Variants in PGM1 observed in about 807,000 individuals in gnomAD.
PGM1 encodes the protein phosphoglucomutase-1.
PGM1 carries 52 observed loss-of-function variants against 55.6 expected under a neutral mutation model. The ratio of observed to expected loss-of-function variants is 0.94; its 90% CI spans 0.75 to 1.18. The LOEUF (loss-of-function observed/expected upper bound fraction) is 1.18. Among genes scored for constraint, PGM1 ranks in the 50% most tolerant of loss-of-function variants. PGM1 has a pLI of 0.00. For missense variants in PGM1, 724 were observed against 729.3 expected (o/e 0.99, Z 0.08); for synonymous variants, 287 against 271.7 (o/e 1.06, Z -0.55).
chr1:63,639,799 C>T (rs1385372070), intron 7 of PGM1, among the ~76,000 whole-genome samples: 1 of 152,120 alleles, frequency 6.6e-6, no homozygotes, highest in South Asian at 2.1e-4. Context: ...CATTTCCTTT[C>T]CTATAAGTCT....
intron 7 of PGM1, among the ~76,000 whole-genome samples, chr1:63,641,281 T>TTCTC (rs899182614): frequency 6.6e-6 from 1 of 151,648 alleles, no homozygotes; most frequent in Non-Finnish European, 1.5e-5. Context: ...CACAAGCTCT[T>TTCTC]TCTCTCTCTC....
intron 10 of PGM1, among the ~76,000 whole-genome samples, chr1:63,659,118 G>A (rs368887677): frequency 2.6e-5 from 4 of 152,258 alleles, no homozygotes; most frequent in South Asian, 4.1e-4. Context: ...GATTTGAGTG[G>A]GGACACAGAG....
intron 10 of PGM1, among the ~76,000 whole-genome samples, chr1:63,658,344 A>G (rs535068624): frequency 3.7e-4 from 43 of 114,818 alleles, no homozygotes; most frequent in Admixed American, 1.1e-3. Flanking sequence ...CCAGATTAGT[A>G]GTTTTTTTTT....
At chr1:63,597,558 G>T (rs1160780582) in intron 1 of PGM1, among the ~76,000 whole-genome samples, 3 of 152,172 alleles carry the variant, frequency 2.0e-5, no homozygotes, top group Admixed American at 1.3e-4. Flanking sequence ...AACCAATATA[G>T]AGGGGTTCCG....
rs904424584 is a variant in PGM1, at chr1:63,651,914, A to C, written c.1464+62A>C. 4.7e-6 allele frequency: 7 copies of C among 1,475,234 alleles called. No homozygotes were observed. The African/African-American group carries it at 9.7e-5, about 21-fold the overall frequency. The allele number at this position is 1,475,234 out of a possible 1,614,324, so 91.4% of individuals were successfully genotyped here. The stretch of plus-strand genomic sequence containing the variant: ...TCAGAGCTTCATCTCTGACATCTCA[A>C]GGGAAAAATTAAAAAGTTCCTGTTG... On this transcript the variant is annotated intron_variant, in intron 9 of 10. Transcript: ENST00000371084.
chr1:63,655,840 A>G (rs1027645770), intron 10 of PGM1: 5 of 152,498 alleles, frequency 3.3e-5, no homozygotes, highest in African/African-American at 1.2e-4. Context: ...TCTGGGCTAT[A>G]GTGTGCTATG....
In PGM1 at chr1:63,633,908, GTGTGTGTGTGTATATATA is replaced by G. The variant is rs1400621920; in HGVS notation, c.683-919_683-902del. On this transcript the variant is annotated intron_variant, in intron 4 of 10. Coordinates refer to ENST00000371084, the MANE Select transcript of PGM1 (RefSeq NM_002633.3). ...TGTGTGTGTGTGTGTGTGTGTGTGT[GTGTGTGTGTGTATATATA>G]TATATATTTTTTTTTTTTTTTTTTT... is the stretch of plus-strand genomic sequence containing the variant. Among the ~76,000 whole-genome samples the G allele has an allele frequency of 3.0e-4, 10 of 33,264 alleles. 1 individual carries two copies. Among genetic ancestry groups the G allele is most frequent in the African/African-American group, 1.8e-3 (8 of 4,540 alleles). The allele number at this position is 33,264 out of a possible 152,430, so 21.8% of individuals were successfully genotyped here.
At chr1:63,618,764 G>A (rs182451130) in intron 1 of PGM1, among the ~76,000 whole-genome samples, 70 of 152,294 alleles carry the variant, frequency 4.6e-4, no homozygotes, top group African/African-American at 1.6e-3. Context: ...ACCGAGTCCA[G>A]AATACCAGCG....
rs1648866672 is a variant in PGM1 at position 63,621,067 on chromosome 1, T to G, written c.247-8358T>G. Among the ~76,000 whole-genome samples the G allele has an allele frequency of 2.0e-5, 3 of 152,218 alleles. No homozygotes were observed. In the South Asian group the frequency reaches 6.2e-4, roughly 32 times the overall value. On this transcript the variant is annotated intron_variant, in intron 1 of 10. Coordinates refer to ENST00000371084, the MANE Select transcript of PGM1 (RefSeq NM_002633.3). Reference sequence around the variant, plus strand: ...CATCTAACATTGCTGCTTCTGGTAATATTTTTATATGGGGTTGAGTTCTAT... The same window carrying G: ...CATCTAACATTGCTGCTTCTGGTAAGATTTTTATATGGGGTTGAGTTCTAT...
At chr1:63,655,113 C>T (rs1649926098) in intron 10 of PGM1, among the ~76,000 whole-genome samples, 1 of 151,770 alleles carries the variant, frequency 6.6e-6, no homozygotes, top group Non-Finnish European at 1.5e-5. Context: ...GGATTACAGG[C>T]ACGTGCCACC....
In PGM1 at chr1:63,629,418, C is replaced by G; in HGVS notation, c.247-7C>G. 1 of 1,612,360 alleles carries G rather than the reference C, an allele frequency of 6.2e-7. No homozygotes were observed. Among genetic ancestry groups the G allele is most frequent in the Non-Finnish European group, 8.5e-7 (1 of 1,178,508 alleles). ...TTAAAGAGTGTGTTCTGGATTTCTT[C>G]TCCTAGATCGGTCGCTTGGTTATCG... On this transcript the variant is annotated splice_polypyrimidine_tract_variant and splice_region_variant and intron_variant, in intron 1 of 10. Transcript: ENST00000371084.
intron 1 of PGM1, among the ~76,000 whole-genome samples, chr1:63,624,613 A>G (rs145020655): frequency 4.2e-3 from 639 of 152,298 alleles, no homozygotes; most frequent in Non-Finnish European, 6.7e-3. Context: ...GTTTTAGATA[A>G]TGATTAGCAA....
At chr1:63,600,057 A>G (rs528818120) in intron 1 of PGM1, 2 of 152,328 alleles carry the variant, frequency 1.3e-5, no homozygotes, top group African/African-American at 4.8e-5. Flanking sequence ...TGCACCTAAA[A>G]CCAATTATGT....
intron 1 of PGM1, among the ~76,000 whole-genome samples, chr1:63,626,402 C>T (rs1297034519): frequency 6.6e-6 from 1 of 152,132 alleles, no homozygotes; most frequent in Non-Finnish European, 1.5e-5. Flanking sequence ...CTCTGGTAAC[C>T]TCTGTACTAC....
chr1:63,603,086 GC>G (rs1188678480), intron 1 of PGM1, among the ~76,000 whole-genome samples: 3 of 152,152 alleles, frequency 2.0e-5, no homozygotes, highest in African/African-American at 7.2e-5. Flanking sequence ...TCCCCTCACT[GC>G]CCCCCAACTC....
intron 1 of PGM1, chr1:63,623,426 G>T: frequency 1.9e-6 from 3 of 1,598,014 alleles, no homozygotes; most frequent in Non-Finnish European, 2.6e-6. Context: ...CTGCTTTCTG[G>T]ACACCCTCAC....
chr1:63,642,927 CTG>C (rs1257897508), intron 7 of PGM1, among the ~76,000 whole-genome samples: 1 of 152,182 alleles, frequency 6.6e-6, no homozygotes, highest in Non-Finnish European at 1.5e-5. Context: ...GAGTTAGACT[CTG>C]GGACACATGG....
rs374005341 is a variant in PGM1, at chr1:63,631,616, T to A, written c.557-41T>A. The stretch of plus-strand genomic sequence containing the variant: ...CATCAGAATATAATATTTCTAAATG[T>A]GTTTAATCCTTCCATCTTTTGATGT... On this transcript the variant is annotated intron_variant, in intron 3 of 10. Transcript: ENST00000371084. 4.9e-5 allele frequency: 78 copies of A among 1,594,274 alleles called. 1 individual carries two copies. The highest frequency in any genetic ancestry group is 6.4e-5 in the Non-Finnish European group (74 of 1,162,456).
At chr1:63,636,142 A>T in intron 5 of PGM1, 92 bp from the exon 6 acceptor site, 1 of 1,231,022 alleles carries the variant, frequency 8.1e-7, no homozygotes, top group Non-Finnish European at 1.2e-6. Flanking sequence ...CAAATTTTAT[A>T]GTTTTACATT....
Sources: gnomAD v4.1 joint callset for allele counts (sites outside exome capture counted in the v4.1 genomes callset) on GRCh38, gnomAD v4.1.1 for gene constraint, MANE v1.5 for transcripts, NCBI Gene and HGNC (gene_info 2026-07-23, HGNC 2026-07-21) for gene names.